The following CTSC variants were observed in gnomAD, a reference collection of about 807,000 sequenced individuals.
The protein encoded by CTSC is cathepsin C, also known as dipeptidyl peptidase 1.
CTSC carries 37 observed loss-of-function variants against 40.9 expected under a neutral mutation model. That is an observed-to-expected ratio of 0.91 (90% confidence interval 0.70 to 1.19). The LOEUF is 1.19. CTSC is among the 50% of genes most tolerant of loss of function. The pLI is 0.00. For missense variants in CTSC, 594 were observed against 567.3 expected, an observed-to-expected ratio of 1.05 and a Z score of -0.48; for synonymous variants, 232 against 207.4, an observed-to-expected ratio of 1.12 and a Z score of -1.02.
At chr11:88,316,896 G>A (rs1023329100) in intron 2 of CTSC, among the ~76,000 whole-genome samples, 1 of 152,090 alleles carries the variant, frequency 6.6e-6, no homozygotes, top group African/African-American at 2.4e-5. Context: ...TGTAATTTTA[G>A]GTTGACCTAG....
intron 2 of CTSC, among the ~76,000 whole-genome samples, chr11:88,333,782 A>G (rs1174633945): frequency 1.3e-5 from 2 of 152,212 alleles, no homozygotes; most frequent in Non-Finnish European, 2.9e-5. Context: ...AATTCAGTGG[A>G]CTGGTGGCCA....
intron 5 of CTSC, chr11:88,298,604 C>CT (rs548401986): frequency 2.6e-5 from 4 of 152,144 alleles, no homozygotes; most frequent in Admixed American, 6.6e-5. Flanking sequence ...TTTTCCCCAA[C>CT]TTACAGTATA....
chr11:88,313,143 C>T (rs942943876), intron 2 of CTSC, among the ~76,000 whole-genome samples: 2 of 152,150 alleles, frequency 1.3e-5, no homozygotes, highest in Admixed American at 6.5e-5. Flanking sequence ...GATCTTGGCT[C>T]ACTGCAACTT....
At chr11:88,325,654 T>C (rs949972258) in intron 2 of CTSC, 5 of 984,962 alleles carry the variant, frequency 5.1e-6, no homozygotes, top group African/African-American at 3.5e-5. Context: ...TTGTAGCTTA[T>C]AGTATGTCAA....
intron 4 of CTSC, among the ~76,000 whole-genome samples, chr11:88,304,837 T>A (rs1170075986): frequency 6.6e-6 from 1 of 152,150 alleles, no homozygotes; most frequent in Non-Finnish European, 1.5e-5. Context: ...GTGGCTCACA[T>A]CTGTAATTGC....
At chr11:88,325,569 G>A (rs1938158636) in intron 2 of CTSC, 3 of 985,280 alleles carry the variant, frequency 3.0e-6, no homozygotes, top group South Asian at 9.4e-5. Context: ...TAGAAACTCT[G>A]TGAGCTTAGC....
At chr11:88,335,184 T>C (rs1325953301) in intron 1 of CTSC, 102 bp from the exon 2 acceptor site, 2 of 826,696 alleles carry the variant, frequency 2.4e-6, no homozygotes, top group East Asian at 2.6e-5. Context: ...TTTCCTTTCA[T>C]GCTACCCAGT....
intron 2 of CTSC, chr11:88,328,088 T>C (rs565985108): frequency 8.4e-6 from 13 of 1,551,950 alleles, no homozygotes; most frequent in Admixed American, 3.3e-5. Flanking sequence ...ATAAGAAAGT[T>C]AGAAATTTTT....
chr11:88,310,187 T>C (rs1012348470), intron 3 of CTSC, among the ~76,000 whole-genome samples: 1 of 151,682 alleles, frequency 6.6e-6, no homozygotes, highest in Non-Finnish European at 1.5e-5. Flanking sequence ...CTCCTTTTTT[T>C]TTTTTTTTTT....
chr11:88,300,699 A>G, intron 4 of CTSC, 54 bp from the exon 5 acceptor site: 1 of 1,135,154 alleles, frequency 8.8e-7, no homozygotes, highest in African/African-American at 1.5e-5. Context: ...TTTGAGGATG[A>G]TTTCCTAAAC....
At chr11:88,301,808 G>GCACACACACACACACA (rs796959607) in intron 4 of CTSC, among the ~76,000 whole-genome samples, 1 of 119,364 alleles carries the variant, frequency 8.4e-6, no homozygotes, top group African/African-American at 2.8e-5. Context: ...AAACACACGC[G>GCACACACACACACACA]CGCACACACA....
intron 2 of CTSC, chr11:88,326,237 G>C (rs1938182093): frequency 6.7e-7 from 1 of 1,486,090 alleles, no homozygotes; most frequent in African/African-American, 1.4e-5. Context: ...GTGTTCAGGA[G>C]GGCAGCTGCC....
chr11:88,320,959 C>A (rs1285276049), intron 2 of CTSC: 1 of 984,824 alleles, frequency 1.0e-6, no homozygotes, highest in African/African-American at 1.7e-5. Flanking sequence ...GGAATACAAA[C>A]AGGCAATTAT....
chr11:88,336,539 CAAA>C (rs35388709), intron 1 of CTSC, among the ~76,000 whole-genome samples: 8 of 87,382 alleles, frequency 9.2e-5, no homozygotes, highest in Admixed American at 2.2e-4. Context: ...ACTCCATTCT[CAAA>C]AAAAAAAAAA....
intron 2 of CTSC, among the ~76,000 whole-genome samples, chr11:88,315,465 A>G (rs1937853585): frequency 6.6e-6 from 1 of 152,374 alleles, no homozygotes; most frequent in East Asian, 1.9e-4. Context: ...TGAGTTCTAT[A>G]GGAAAGGGGT....
chr11:88,330,099 A>G (rs931458144), intron 2 of CTSC, among the ~76,000 whole-genome samples: 1 of 152,228 alleles, frequency 6.6e-6, no homozygotes, highest in Admixed American at 6.5e-5. Flanking sequence ...AAAATCTGAT[A>G]ATCTTAGAAA....
chr11:88,332,157 G>C (rs936375041), intron 2 of CTSC, among the ~76,000 whole-genome samples: 1 of 152,190 alleles, frequency 6.6e-6, no homozygotes, highest in Non-Finnish European at 1.5e-5. Flanking sequence ...AGCATGGCAA[G>C]AATTTGTCAA....
chr11:88,308,685 C>A (rs539760096), intron 4 of CTSC, among the ~76,000 whole-genome samples: 7 of 151,750 alleles, frequency 4.6e-5, no homozygotes, highest in Non-Finnish European at 1.0e-4. Flanking sequence ...CTGGCCACCC[C>A]CACCCCTTCC....
intron 2 of CTSC, chr11:88,322,033 T>C (rs887818651): frequency 1.3e-5 from 2 of 152,228 alleles, no homozygotes; most frequent in African/African-American, 2.4e-5. Flanking sequence ...TTCATGTTTA[T>C]TGGCCACATG....
Sources: gnomAD v4.1 joint callset for allele counts (sites outside exome capture counted in the v4.1 genomes callset) on GRCh38, gnomAD v4.1.1 for gene constraint, MANE v1.5 for transcripts, NCBI Gene and HGNC (gene_info 2026-07-23, HGNC 2026-07-21) for gene names.